Variants in CYS1 observed in about 807,000 individuals in gnomAD.
CYS1 encodes cystin 1, also known as cystin-1.
A neutral mutation model predicts 9.6 loss-of-function variants in CYS1; 5 were observed. The observed-to-expected ratio is 0.52, with a 90% CI of 0.27 to 1.10. The LOEUF (loss-of-function observed/expected upper bound fraction) is 1.10, where lower values mean the gene tolerates loss of function less well. Ranked by LOEUF, CYS1 falls within the 50% of genes least tolerant of loss-of-function variation. The probability of loss-of-function intolerance (pLI) is 0.11; values close to 1 mark genes in which losing one functional copy is unlikely to be tolerated. For synonymous variants in CYS1, 88 were observed against 95.7 expected, an observed-to-expected ratio of 0.92 and a Z score of 0.47; for missense variants, 221 against 207.9, an observed-to-expected ratio of 1.06 and a Z score of -0.39.
intron 2 of CYS1, 82 bp from the exon 3 acceptor site, chr2:10,059,040 C>G: frequency 7.7e-7 from 1 of 1,301,058 alleles, no homozygotes; most frequent in Non-Finnish European, 1.1e-6. Flanking sequence ...CACAATGGCT[C>G]CTAGTGGGCC....
intron 1 of CYS1, among the ~76,000 whole-genome samples, chr2:10,072,354 A>T (rs1345239591): frequency 6.6e-6 from 1 of 152,220 alleles, no homozygotes; most frequent in Non-Finnish European, 1.5e-5. Flanking sequence ...AAGTGCTGGG[A>T]TTATAGGCGT....
At position 10,056,793 on chromosome 2, in the gene CYS1, T is replaced by G. The variant is rs1661555444; in HGVS notation, c.*2060A>C. The G allele has an allele frequency of 6.6e-6, 1 of 152,224 alleles. No homozygotes were observed. Among genetic ancestry groups the G allele is most frequent in the African/African-American group, 2.4e-5 (1 of 41,454 alleles). 9.4% of individuals were successfully genotyped at this position (152,224 alleles called of 1,614,324 possible). On this transcript the variant is annotated 3_prime_UTR_variant, in exon 3 of 3. Transcript: ENST00000381813. ...GGCCGGCTCAGCGGCTGGTACACACTGCTTTATTTGTTCTTTTTATTATTA... is the reference window on the plus strand; with the variant it reads ...GGCCGGCTCAGCGGCTGGTACACACGGCTTTATTTGTTCTTTTTATTATTA...
intron 1 of CYS1, among the ~76,000 whole-genome samples, chr2:10,068,617 C>T (rs1219788834): frequency 6.6e-6 from 1 of 152,172 alleles, no homozygotes; most frequent in Non-Finnish European, 1.5e-5. Context: ...CTTGCAAGAT[C>T]TTTCTGTTCA....
Position 10,057,831 on chromosome 2 carries a change from A to C in CYS1, c.*1022T>G, listed in dbSNP as rs892872480. The C allele has an allele frequency of 1.3e-5, 2 of 152,280 alleles. No individual in the cohort carries two copies. The highest frequency in any genetic ancestry group is 2.9e-5 in the Non-Finnish European group (2 of 68,148). The allele number at this position is 152,280 out of a possible 1,614,324, so 9.4% of individuals were successfully genotyped here. The stretch of plus-strand genomic sequence containing the variant: ...CCACACAGGAGTCCCCTCTAGCCGG[A>C]GCTCCGCCCCCTGTTCCCAGGGCGT... On this transcript the variant is annotated 3_prime_UTR_variant, in exon 3 of 3. Coordinates refer to ENST00000381813, the MANE Select transcript of CYS1 (RefSeq NM_001037160.3).
At chr2:10,070,158 A>T (rs915961908) in intron 1 of CYS1, among the ~76,000 whole-genome samples, 2 of 152,156 alleles carry the variant, frequency 1.3e-5, no homozygotes, top group East Asian at 3.8e-4. Flanking sequence ...CAAGGGTAAG[A>T]AGGGATCGCG....
chr2:10,079,438 T>G (rs1005119598), intron 1 of CYS1, among the ~76,000 whole-genome samples: 1 of 152,168 alleles, frequency 6.6e-6, no homozygotes, highest in African/African-American at 2.4e-5. Context: ...GGAGAGAGAA[T>G]AGGAAGCGCA....
At chr2:10,072,933 C>T (rs1459967667) in intron 1 of CYS1, among the ~76,000 whole-genome samples, 2 of 130,078 alleles carry the variant, frequency 1.5e-5, no homozygotes, top group Non-Finnish European at 3.3e-5. Context: ...GGGGGGATGG[C>T]GCAGGTGGGG....
At position 10,057,087 on chromosome 2, in the gene CYS1, C is replaced by A. The variant is rs1661560988; in HGVS notation, c.*1766G>T. Reference sequence around the variant, plus strand: ...GCAGAGGTATCATCTTTCTTGGAAACCAATTGAAAGCGTCCCATTTTAACA... The same window carrying A: ...GCAGAGGTATCATCTTTCTTGGAAAACAATTGAAAGCGTCCCATTTTAACA... On this transcript the variant is annotated 3_prime_UTR_variant, in exon 3 of 3. Transcript: ENST00000381813. 6.6e-6 allele frequency: 1 copy of A among 152,226 alleles called. No homozygotes were observed. The highest frequency in any genetic ancestry group is 6.5e-5 in the Admixed American group (1 of 15,286). The allele number at this position is 152,226 out of a possible 1,614,324, so 9.4% of individuals were successfully genotyped here. A position where few individuals can be genotyped will look rare whatever the true frequency, so the allele number is the denominator to read the frequency against.
chr2:10,074,986 C>A (rs1189479786), intron 1 of CYS1, among the ~76,000 whole-genome samples: 4 of 152,214 alleles, frequency 2.6e-5, no homozygotes, highest in Non-Finnish European at 5.9e-5. Flanking sequence ...GTGGCACATG[C>A]CTGTAGTCCC....
At chr2:10,072,736 C>T (rs952774272) in intron 1 of CYS1, among the ~76,000 whole-genome samples, 3 of 152,224 alleles carry the variant, frequency 2.0e-5, no homozygotes, top group African/African-American at 7.2e-5. Context: ...TTGCTAGTCT[C>T]GTTCTGTTGC....
At chr2:10,067,568 G>A (rs1163510294) in intron 1 of CYS1, among the ~76,000 whole-genome samples, 1 of 151,760 alleles carries the variant, frequency 6.6e-6, no homozygotes, top group Admixed American at 6.6e-5. Context: ...CCACCATGAA[G>A]AGCTAATTTT....
At chr2:10,059,210 G>A (rs1468665781) in intron 2 of CYS1, among the ~76,000 whole-genome samples, 1 of 152,252 alleles carries the variant, frequency 6.6e-6, no homozygotes, top group Non-Finnish European at 1.5e-5. Flanking sequence ...GAGGGAGGAC[G>A]GGCTCTGGGG....
chr2:10,057,933 A>G lies in CYS1; in HGVS notation c.*920T>C, dbSNP rs968792639. On this transcript the variant is annotated 3_prime_UTR_variant, in exon 3 of 3. Transcript: ENST00000381813. ...TCCTGCCTCACTGCTGTGGTTTCCCACCTTCCACCCAGGCAGGAAGAGAAT... is the reference window on the plus strand; with the variant it reads ...TCCTGCCTCACTGCTGTGGTTTCCCGCCTTCCACCCAGGCAGGAAGAGAAT... 4 of 152,292 alleles carry G rather than the reference A, an allele frequency of 2.6e-5. No homozygotes were observed. The highest frequency in any genetic ancestry group is 2.0e-4 in the Admixed American group (3 of 15,298). 9.4% of individuals were successfully genotyped at this position (152,292 alleles called of 1,614,324 possible).
intron 2 of CYS1, among the ~76,000 whole-genome samples, chr2:10,061,741 G>C (rs1212783912): frequency 6.6e-6 from 1 of 152,192 alleles, no homozygotes; most frequent in Non-Finnish European, 1.5e-5. Context: ...GAGAGGTCAG[G>C]CTCCACTGGG....
At chr2:10,064,291 G>C (rs879318272) in intron 2 of CYS1, among the ~76,000 whole-genome samples, 2 of 152,168 alleles carry the variant, frequency 1.3e-5, no homozygotes. Flanking sequence ...AGTACCACTG[G>C]TGAGTGGTAG....
At chr2:10,071,535 T>G (rs1055643825) in intron 1 of CYS1, among the ~76,000 whole-genome samples, 19 of 152,250 alleles carry the variant, frequency 1.2e-4, no homozygotes, top group African/African-American at 4.3e-4. Flanking sequence ...CCCCAATGGC[T>G]CAGCCTTGCT....
At chr2:10,068,627 A>G (rs576669808) in intron 1 of CYS1, among the ~76,000 whole-genome samples, 15 of 152,220 alleles carry the variant, frequency 9.9e-5, no homozygotes, top group Non-Finnish European at 2.1e-4. Context: ...CTTTCTGTTC[A>G]AAGGAAAAAA....
chr2:10,074,187 C>T (rs1661813021), intron 1 of CYS1, among the ~76,000 whole-genome samples: 2 of 152,214 alleles, frequency 1.3e-5, no homozygotes, highest in Admixed American at 6.5e-5. Context: ...ACAGCTCCAG[C>T]TCCAACCACT....
chr2:10,062,398 T>C (rs1354173298), intron 2 of CYS1, among the ~76,000 whole-genome samples: 1 of 151,398 alleles, frequency 6.6e-6, no homozygotes, highest in East Asian at 1.9e-4. Context: ...TTTCTCTTTT[T>C]TTCTTTTTTT....
Sources: allele counts gnomAD v4.1 joint callset (sites outside exome capture counted in the v4.1 genomes callset), GRCh38; gene constraint gnomAD v4.1.1; transcripts MANE v1.5; gene names NCBI Gene and HGNC (gene_info 2026-07-23, HGNC 2026-07-21).